The following ACTN3 variants were observed in gnomAD, a reference collection of about 807,000 sequenced individuals.
ACTN3 encodes alpha-actinin-3.
ACTN3 carries 91 observed loss-of-function variants against 119.6 expected under a neutral mutation model. That is an observed-to-expected ratio of 0.76 (90% CI 0.64 to 0.91). ACTN3 has a LOEUF of 0.91. ACTN3 is among the 40% of genes least tolerant of loss of function. ACTN3 has a pLI of 0.00. For missense variants in ACTN3, 1,221 were observed against 1,215.1 expected (o/e 1.00, Z -0.07); for synonymous variants, 456 against 478.8 (o/e 0.95, Z 0.62).
chr11:66,557,721 C>G lies in ACTN3; in HGVS notation c.920C>G (p.Thr307Ser). The change falls in exon 10 of 21, where the codon ACT becomes AGT. Residue 307 changes from threonine to serine, a missense_variant. By Grantham distance (58) the Thr-to-Ser change is moderately conservative. Coordinates refer to ENST00000513398, the MANE Select transcript of ACTN3 (RefSeq NM_001104.4). ...CAGCTGCTGGAGTGGATCCGCCGCA[C>G]TGTCCCATGGCTGGAGAACCGTGTG... Reference protein sequence around the residue: ...ASELLEWIRRTVPWLENRVGE... With the variant: ...ASELLEWIRRSVPWLENRVGE... The G allele has an allele frequency of 1.2e-6, 2 of 1,612,824 alleles. No homozygotes were observed. The highest frequency in any genetic ancestry group is 1.7e-6 in the Non-Finnish European group (2 of 1,179,496).
intron 18 of ACTN3, 42 bp from the exon 19 acceptor site, chr11:66,562,215 G>A: frequency 6.2e-7 from 1 of 1,613,894 alleles, no homozygotes; most frequent in Non-Finnish European, 8.5e-7. Context: ...GGGGGCTGGT[G>A]GAGGCTGGAG....
In ACTN3 at chr11:66,551,358, G is replaced by T; in HGVS notation, c.262+5G>T. On this transcript the variant is annotated splice_donor_5th_base_variant and intron_variant, in intron 2 of 20. Transcript: ENST00000513398. ...TGCTCCTGGAGGTCATTTCAGGTGAGGATGGCAAATCAGTGCACCTGGGCC... is the reference window on the plus strand; with the variant it reads ...TGCTCCTGGAGGTCATTTCAGGTGATGATGGCAAATCAGTGCACCTGGGCC... 6.3e-7 allele frequency: 1 copy of T among 1,598,670 alleles called. No individual in the cohort carries two copies. The highest frequency in any genetic ancestry group is 8.5e-7 in the Non-Finnish European group (1 of 1,172,406).
rs1857365954 is a variant in ACTN3 at position 66,547,079 on chromosome 11, C to T, written c.142C>T (p.Arg48Trp). 3 of 1,504,982 alleles carry T rather than the reference C, an allele frequency of 2.0e-6. No homozygotes were observed. Among genetic ancestry groups the T allele is most frequent in the Non-Finnish European group, 1.8e-6 (2 of 1,129,574 alleles). 93.2% of individuals were successfully genotyped at this position (1,504,982 alleles called of 1,614,324 possible). Residue 48 changes from arginine to tryptophan, a missense_variant, in exon 1 of 21, where the codon CGG (arginine) becomes TGG (tryptophan). Physicochemically the swap from Arg to Trp is moderately radical, Grantham distance 101. This residue lies in a region of ACTN3 where 239 missense variants were observed against 231.8 expected (regional missense o/e 1.03). Transcript: ENST00000513398. Reference protein sequence around the residue: ...LLDPAWEKQQRKTFTAWCNSH... With the variant: ...LLDPAWEKQQWKTFTAWCNSH... Reference sequence around the variant, plus strand: ...GGACCCGGCCTGGGAGAAGCAGCAGCGGAAAGTGAGTGCTCGCCCATTTCC... The same window carrying T: ...GGACCCGGCCTGGGAGAAGCAGCAGTGGAAAGTGAGTGCTCGCCCATTTCC...
At position 66,553,566 on chromosome 11, in the gene ACTN3, TAAAA is replaced by T. The variant is rs1188228894; in HGVS notation, c.383-473_383-470del. 2.9e-5 allele frequency among the ~76,000 whole-genome samples: 4 copies of T among 139,444 alleles called. No individual in the cohort carries two copies. In the East Asian group the frequency reaches 6.4e-4, roughly 22 times the overall value. 91.5% of individuals were successfully genotyped at this position (139,444 alleles called of 152,430 possible). ...GAGACTCCATGGGAAAAAATTATAA[TAAAA>T]AAAAAGAAAAGAAAAAGAGGCCAGA... On this transcript the variant is annotated intron_variant, in intron 3 of 20. Coordinates refer to ENST00000513398, the MANE Select transcript of ACTN3 (RefSeq NM_001104.4).
In ACTN3 at chr11:66,557,123, C is replaced by G. The variant is rs1438287347; in HGVS notation, c.805-10C>G. 48 of 1,550,460 alleles carry G rather than the reference C, an allele frequency of 3.1e-5. No individual in the cohort carries two copies. Among genetic ancestry groups the G allele is most frequent in the Non-Finnish European group, 3.9e-5 (45 of 1,146,014 alleles). On this transcript the variant is annotated splice_polypyrimidine_tract_variant and intron_variant, in intron 8 of 20. Transcript: ENST00000513398. ...CTTTAATGCCAGCCTTCTGCCCACT[C>G]CCCCCACAGGCAGAGACAGCTGCCA...
In ACTN3 at chr11:66,551,126, A is replaced by C. The variant is rs562170461; in HGVS notation, c.148-113A>C. ...AAGTCAGTGGCTGAGCTGAGCTGAGACTTGAATCCAGAAATACAAGGCTCT... is the reference window on the plus strand; with the variant it reads ...AAGTCAGTGGCTGAGCTGAGCTGAGCCTTGAATCCAGAAATACAAGGCTCT... On this transcript the variant is annotated intron_variant, in intron 1 of 20. Coordinates refer to ENST00000513398, the MANE Select transcript of ACTN3 (RefSeq NM_001104.4). The C allele has an allele frequency of 1.8e-5, 14 of 795,034 alleles. No homozygotes were observed. The South Asian group carries it at 2.0e-4, about 12-fold the overall frequency. 49.2% of individuals were successfully genotyped at this position (795,034 alleles called of 1,614,324 possible).
In ACTN3 at chr11:66,554,514, C is replaced by T. The variant is rs776377523; in HGVS notation, c.470-22C>T. The T allele has an allele frequency of 5.7e-6, 9 of 1,584,494 alleles. No homozygotes were observed. The African/African-American group carries it at 6.8e-5, about 12-fold the overall frequency. On this transcript the variant is annotated intron_variant, in intron 4 of 20. Coordinates refer to ENST00000513398, the MANE Select transcript of ACTN3 (RefSeq NM_001104.4). ...GACCTGGACCCCTTCCCAATGAATC[C>T]TCCCACCTCCCCCCGACCCAGAAAC...
intron 18 of ACTN3, 24 bp downstream of exon 18, chr11:66,562,192 G>A (rs1348232119): frequency 1.2e-6 from 2 of 1,613,912 alleles, no homozygotes; most frequent in East Asian, 2.2e-5. Context: ...TGGCCCTGTG[G>A]GGTAAGACAC....
At position 66,559,382 on chromosome 11, in the gene ACTN3, C is replaced by A. The variant is rs753612745; in HGVS notation, c.1423C>A (p.Leu475Ile). ...GCACATTGCCGCGCTGGCCCAGGAGCTCAAGTAGGCGGGGCCTCGCGGGGC... is the reference window on the plus strand; with the variant it reads ...GCACATTGCCGCGCTGGCCCAGGAGATCAAGTAGGCGGGGCCTCGCGGGGC... ...VEHIAALAQE[L>I]NELDYHEAAS... The change falls in exon 12 of 21, where the codon CTC becomes ATC. Residue 475 changes from leucine (L) to isoleucine (I), a missense_variant. Leu to Ile is a conservative substitution (Grantham distance 5). Transcript: ENST00000513398. 2 of 1,529,432 alleles carry A rather than the reference C, an allele frequency of 1.3e-6. No homozygotes were observed. Among genetic ancestry groups the A allele is most frequent in the African/African-American group, 2.9e-5 (2 of 69,036 alleles). The allele number at this position is 1,529,432 out of a possible 1,614,324, so 94.7% of individuals were successfully genotyped here.
rs1857470577 is a variant in ACTN3, at chr11:66,551,527, G to C, written c.263-1G>C. ...CCCTTGGCCTCTCCTCTTAAACCCAGGTGAGAGGCTGCCTAGGCCAGATAA... is the reference window on the plus strand; with the variant it reads ...CCCTTGGCCTCTCCTCTTAAACCCACGTGAGAGGCTGCCTAGGCCAGATAA... On this transcript the variant is annotated splice_acceptor_variant, in intron 2 of 20. Transcript: ENST00000513398. LOFTEE classifies it high-confidence loss of function. The C allele has an allele frequency of 2.5e-6, 4 of 1,613,598 alleles. No homozygotes were observed. The highest frequency in any genetic ancestry group is 1.3e-5 in the African/African-American group (1 of 75,050).
At chr11:66,550,815 A>C (rs553112212) in intron 1 of ACTN3, among the ~76,000 whole-genome samples, 16 of 152,298 alleles carry the variant, frequency 1.1e-4, no homozygotes, top group African/African-American at 3.8e-4. Context: ...CCCTTAGGCA[A>C]AACCCTGAGG....
chr11:66,561,120 T>A, intron 15 of ACTN3, 107 bp from the exon 16 acceptor site: 2 of 1,403,542 alleles, frequency 1.4e-6, no homozygotes, highest in East Asian at 5.1e-5. Context: ...CCCAGACAAG[T>A]TGGCTCAAAG....
intron 3 of ACTN3, among the ~76,000 whole-genome samples, chr11:66,552,982 G>A (rs1208422439): frequency 6.6e-6 from 1 of 151,432 alleles, no homozygotes; most frequent in African/African-American, 2.4e-5. Context: ...GCGGGCCAGG[G>A]GTGATGGCTT....
Position 66,554,103 on chromosome 11 carries a change from C to T in ACTN3, c.441C>T (p.Arg147=). The T allele has an allele frequency of 6.2e-7, 1 of 1,613,860 alleles. No homozygotes were observed. The highest frequency in any genetic ancestry group is 1.7e-5 in the Admixed American group (1 of 59,988). ...GCATGATCTGGACCATCATCCTTCG[C>T]TTCGCCATCCAGGACATCTCTGTGG... ...TLGMIWTIIL[R]FAIQDISVEE... is the part of the protein sequence containing the mutation. Residue 147 remains arginine, a synonymous_variant, in exon 4 of 21, where the codon CGC becomes CGT. Coordinates refer to ENST00000513398, the MANE Select transcript of ACTN3 (RefSeq NM_001104.4).
chr11:66,549,945 A>G (rs1857439077), intron 1 of ACTN3, among the ~76,000 whole-genome samples: 1 of 152,084 alleles, frequency 6.6e-6, no homozygotes, highest in South Asian at 2.1e-4. Context: ...CCCTTTCCTT[A>G]GCAATGACAG....
chr11:66,562,753 C>T (rs1857811941), intron 19 of ACTN3, 43 bp from the exon 20 acceptor site: 1 of 1,557,652 alleles, frequency 6.4e-7, no homozygotes, highest in African/African-American at 1.4e-5. Context: ...GCCCTCCTGG[C>T]TTTAGTGCTC....
At chr11:66,556,259 G>A (rs766481083) in intron 8 of ACTN3, 29 bp downstream of exon 8, 3 of 1,608,968 alleles carry the variant, frequency 1.9e-6, no homozygotes, top group Middle Eastern at 3.3e-4. Flanking sequence ...TGCTGCCTGG[G>A]CTTGTGGACC....
chr11:66,562,179 G>T lies in ACTN3; in HGVS notation c.2322+11G>T. The T allele has an allele frequency of 6.2e-7, 1 of 1,613,936 alleles. No individual in the cohort carries two copies. Among genetic ancestry groups the T allele is most frequent in the Non-Finnish European group, 8.5e-7 (1 of 1,179,880 alleles). On this transcript the variant is annotated intron_variant, in intron 18 of 20. Transcript: ENST00000513398. ...AACCACTTTGACAGGGTCAGCAGGG[G>T]CCTGGCCCTGTGGGGTAAGACACTT...
At chr11:66,552,880 T>TCACACACACACA (rs4013815) in intron 3 of ACTN3, among the ~76,000 whole-genome samples, 1 of 114,700 alleles carries the variant, frequency 8.7e-6, no homozygotes, top group Admixed American at 8.6e-5. Context: ...TCTCTCTCTC[T>TCACACACACACA]CACACACACA....
Sources: gnomAD v4.1 joint callset for allele counts (sites outside exome capture counted in the v4.1 genomes callset) on GRCh38, gnomAD v4.1.1 for gene constraint, gnomAD v4.1.1 regional missense constraint, MANE v1.5 for transcripts, NCBI Gene and HGNC (gene_info 2026-07-23, HGNC 2026-07-21) for gene names.